Variants in DNAH17 observed in about 807,000 individuals in gnomAD.
DNAH17 encodes axonemal beta dynein heavy chain 17.
In DNAH17, 376 loss-of-function variants were observed where a neutral mutation model predicts 485.6. The observed-to-expected ratio is 0.77, with a 90% confidence interval of 0.71 to 0.84. The LOEUF (loss-of-function observed/expected upper bound fraction) is 0.84. DNAH17 is among the 40% of genes least tolerant of loss of function. DNAH17 has a pLI of 0.00. For missense variants in DNAH17, 6,370 were observed against 5,839.3 expected, an observed-to-expected ratio of 1.09 and a Z score of -2.96; for synonymous variants, 3,031 against 2,405.9, an observed-to-expected ratio of 1.26 and a Z score of -7.60.
intron 19 of DNAH17, among the ~76,000 whole-genome samples, chr17:78,536,852 G>A (rs2091387820): frequency 6.6e-6 from 1 of 152,044 alleles, no homozygotes; most frequent in African/African-American, 2.4e-5. Flanking sequence ...AAGTGGCCAT[G>A]TCATCCTAGA....
chr17:78,528,106 C>T (rs2091126263), intron 22 of DNAH17, among the ~76,000 whole-genome samples: 1 of 152,036 alleles, frequency 6.6e-6, no homozygotes, highest in African/African-American at 2.4e-5. Flanking sequence ...AAAAAAAAAT[C>T]CCAGCCCATG....
At chr17:78,449,700 CAG>C (rs1269793575) in intron 68 of DNAH17, 116 bp from the exon 69 acceptor site, 1 of 1,103,612 alleles carries the variant, frequency 9.1e-7, no homozygotes, top group Admixed American at 2.4e-5. Context: ...TTCTTTGAGA[CAG>C]AGTCTTGCTC....
chr17:78,466,459 A>T (rs1466228235), intron 56 of DNAH17, among the ~76,000 whole-genome samples, 196 bp downstream of exon 56: 1 of 151,440 alleles, frequency 6.6e-6, no homozygotes. Context: ...ATTAAAAAAA[A>T]ATAAAAAATA....
rs751689126 is a variant in DNAH17, at chr17:78,526,666, G to A, written c.3696C>T (p.Tyr1232=). Residue 1232 remains tyrosine, a synonymous_variant, in exon 24 of 81, where the codon TAC becomes TAT. Coordinates refer to ENST00000389840, the MANE Select transcript of DNAH17 (RefSeq NM_173628.4). The stretch of plus-strand genomic sequence containing the variant: ...GCAAAAATACCTTATTCAGGGACTT[G>A]TAGGGGTTGGGGTCGCTGAAGGAGA... ...APFSFSDPNP[Y]KSLNKQQKSI... 10 of 1,608,814 alleles carry A rather than the reference G, an allele frequency of 6.2e-6. No homozygotes were observed. Among genetic ancestry groups the A allele is most frequent in the Non-Finnish European group, 8.5e-6 (10 of 1,176,136 alleles).
At chr17:78,572,629 G>C in intron 3 of DNAH17, 72 bp downstream of exon 3, 1 of 1,351,694 alleles carries the variant, frequency 7.4e-7, no homozygotes. Flanking sequence ...GGTGGAGTGG[G>C]GTGGGGGGTG....
intron 48 of DNAH17, among the ~76,000 whole-genome samples, chr17:78,481,316 G>C (rs913042153): frequency 1.3e-5 from 2 of 151,716 alleles, no homozygotes; most frequent in Non-Finnish European, 2.9e-5. Flanking sequence ...TGTTAGCCAG[G>C]ATGGTCTTGA....
intron 19 of DNAH17, among the ~76,000 whole-genome samples, chr17:78,535,921 T>A (rs754965645): frequency 2.0e-5 from 3 of 151,628 alleles, no homozygotes; most frequent in Non-Finnish European, 4.4e-5. Context: ...TCTTTTCAGA[T>A]TTTTTTTTAT....
intron 72 of DNAH17, among the ~76,000 whole-genome samples, chr17:78,439,913 A>AC (rs2087002735): frequency 1.3e-5 from 2 of 151,636 alleles, no homozygotes; most frequent in South Asian, 4.2e-4. Flanking sequence ...CAGGCGATCC[A>AC]CCTGCCTTGG....
intron 48 of DNAH17, 154 bp downstream of exon 48, chr17:78,484,710 GACCC>G (rs2089511558): frequency 4.7e-6 from 2 of 428,808 alleles, no homozygotes; most frequent in African/African-American, 4.3e-5. Flanking sequence ...GCCCAGCTAC[GACCC>G]GTGTCTCCCT....
At position 78,424,065 on chromosome 17, in the gene DNAH17, G is replaced by A. The variant is rs1302438495; in HGVS notation, c.13230C>T (p.Ala4410=). The change falls in exon 81 of 81, where the codon GCC becomes GCT. Residue 4410 remains alanine (A), a synonymous_variant. Transcript: ENST00000389840. Reference sequence around the variant, plus strand: ...TGGTCTCCATGCGGTCCACAGGAATGGCCTTGATGAAGATGACAGGCATGG... The same window carrying A: ...TGGTCTCCATGCGGTCCACAGGAATAGCCTTGATGAAGATGACAGGCATGG... The part of the protein sequence containing the change: ...TPAMPVIFIK[A]IPVDRMETKN... 1 of 1,613,922 alleles carries A rather than the reference G, an allele frequency of 6.2e-7. No individual in the cohort carries two copies. The highest frequency in any genetic ancestry group is 1.1e-5 in the South Asian group (1 of 91,092).
chr17:78,514,224 T>A (rs2090714519), intron 26 of DNAH17, among the ~76,000 whole-genome samples: 1 of 152,006 alleles, frequency 6.6e-6, no homozygotes, highest in Non-Finnish European at 1.5e-5. Context: ...TTACTAAGAA[T>A]TGGCTGGCGC....
chr17:78,556,572 A>G (rs565221296), intron 14 of DNAH17, among the ~76,000 whole-genome samples: 1 of 152,266 alleles, frequency 6.6e-6, no homozygotes, highest in African/African-American at 2.4e-5. Flanking sequence ...TCAAAGTTGT[A>G]TGGTACAAAT....
intron 55 of DNAH17, among the ~76,000 whole-genome samples, chr17:78,467,172 C>T (rs2088510484): frequency 6.6e-6 from 1 of 152,222 alleles, no homozygotes; most frequent in Non-Finnish European, 1.5e-5. Context: ...GGAAGGGTCC[C>T]CGCTGGGCCC....
chr17:78,515,148 C>T (rs912325909), intron 25 of DNAH17, 126 bp from the exon 26 acceptor site: 14 of 1,104,444 alleles, frequency 1.3e-5, no homozygotes, highest in African/African-American at 1.1e-4. Context: ...AGAACTAATA[C>T]CCGAGATCAG....
At chr17:78,524,986 C>T in intron 25 of DNAH17, 23 bp downstream of exon 25, 1 of 1,589,602 alleles carries the variant, frequency 6.3e-7, no homozygotes, top group Non-Finnish European at 8.6e-7. Context: ...GGGCCCCACC[C>T]ACGCGGCGTG....
In DNAH17 at chr17:78,532,499, C is replaced by A. The variant is rs759482818; in HGVS notation, c.3097G>T (p.Ala1033Ser). ...DTIPKTPPTL[A>S]QFQEQIDSYE... is the part of the protein sequence containing the mutation. ...GCACGCACCTGCTCCTGGAACTGAGCCAGGGTGGGCGGTGTCTTGGGGATG... is the reference window on the plus strand; with the variant it reads ...GCACGCACCTGCTCCTGGAACTGAGACAGGGTGGGCGGTGTCTTGGGGATG... The change falls in exon 20 of 81, where the codon GCT becomes TCT. Residue 1033 changes from alanine (A) to serine (S), a missense_variant. Physicochemically the swap from Ala to Ser is moderately conservative, Grantham distance 99. Coordinates refer to ENST00000389840, the MANE Select transcript of DNAH17 (RefSeq NM_173628.4). 4.3e-6 allele frequency: 7 copies of A among 1,610,456 alleles called. No homozygotes were observed. In the African/African-American group the frequency reaches 8.0e-5, roughly 18 times the overall value.
intron 23 of DNAH17, 58 bp from the exon 24 acceptor site, chr17:78,526,795 T>C (rs543491573): frequency 6.4e-7 from 1 of 1,563,832 alleles, no homozygotes; most frequent in Admixed American, 1.9e-5. Flanking sequence ...GCCCCAAGGG[T>C]GGCCCCACCC....
At chr17:78,511,790 C>T (rs2090641877) in intron 26 of DNAH17, among the ~76,000 whole-genome samples, 1 of 152,254 alleles carries the variant, frequency 6.6e-6, no homozygotes, top group Non-Finnish European at 1.5e-5. Context: ...CAGCTGTGCC[C>T]AGCTCCTTTC....
chr17:78,434,231 C>T lies in DNAH17; in HGVS notation c.12034-11G>A, dbSNP rs772536397. On this transcript the variant is annotated splice_polypyrimidine_tract_variant and intron_variant, in intron 74 of 80. Coordinates refer to ENST00000389840, the MANE Select transcript of DNAH17 (RefSeq NM_173628.4). ...CATCTCCAGGGTGTCCTGTGGGGCA[C>T]ACGCTCCGGTCAGGTATTAGGGAGA... 1.3e-6 allele frequency: 2 copies of T among 1,597,546 alleles called. No homozygotes were observed. Among genetic ancestry groups the T allele is most frequent in the Non-Finnish European group, 8.6e-7 (1 of 1,167,982 alleles).
Sources: allele counts gnomAD v4.1 joint callset (sites outside exome capture counted in the v4.1 genomes callset), GRCh38; gene constraint gnomAD v4.1.1; transcripts MANE v1.5; gene names NCBI Gene and HGNC (gene_info 2026-07-23, HGNC 2026-07-21).